The following IGF1R variants were observed in gnomAD, a reference collection of about 807,000 sequenced individuals.
IGF1R encodes insulin like growth factor 1 receptor.
In IGF1R, 44 loss-of-function variants were observed where a neutral mutation model predicts 144.6. The observed-to-expected ratio is 0.30, with a 90% CI of 0.24 to 0.39. The LOEUF (loss-of-function observed/expected upper bound fraction) is 0.39. Among genes scored for constraint, IGF1R ranks in the 10% least tolerant of loss-of-function variants. The pLI, the probability that IGF1R is intolerant of heterozygous loss-of-function variation, is 1.00. For synonymous variants in IGF1R, 795 were observed against 722.8 expected (o/e 1.10, Z -1.60); for missense variants, 1,355 against 1,833.7 (o/e 0.74, Z 4.77).
At chr15:98,882,764 A>G (rs895387225) in intron 2 of IGF1R, among the ~76,000 whole-genome samples, 1 of 152,228 alleles carries the variant, frequency 6.6e-6, no homozygotes, top group African/African-American at 2.4e-5. Context: ...GCTTCCTGTT[A>G]GGAAGACAGC....
intron 2 of IGF1R, among the ~76,000 whole-genome samples, chr15:98,771,459 A>T (rs1320575403): frequency 6.6e-6 from 1 of 152,148 alleles, no homozygotes; most frequent in Non-Finnish European, 1.5e-5. Context: ...GTGCTTACAC[A>T]TGTGGACGTA....
intron 1 of IGF1R, among the ~76,000 whole-genome samples, chr15:98,683,108 G>A (rs776035481): frequency 6.6e-6 from 1 of 151,586 alleles, no homozygotes; most frequent in Non-Finnish European, 1.5e-5. Context: ...TTCTTTAAGG[G>A]CAGGCAACAT....
In IGF1R at chr15:98,957,711, A is replaced by C; in HGVS notation, c.*269A>C. On this transcript the variant is annotated 3_prime_UTR_variant, in exon 21 of 21. Coordinates refer to ENST00000650285, the MANE Select transcript of IGF1R (RefSeq NM_000875.5). Reference sequence around the variant, plus strand: ...AACCTTAATGACAACACTTAATAGCAACAGAGCACTTGAGAACCAGTCTCC... The same window carrying C: ...AACCTTAATGACAACACTTAATAGCCACAGAGCACTTGAGAACCAGTCTCC... 1 of 544,266 alleles carries C rather than the reference A, an allele frequency of 1.8e-6. No individual in the cohort carries two copies. Among genetic ancestry groups the C allele is most frequent in the East Asian group, 3.1e-5 (1 of 32,390 alleles). 33.7% of individuals were successfully genotyped at this position (544,266 alleles called of 1,614,324 possible).
At chr15:98,807,453 C>T (rs558283547) in intron 2 of IGF1R, among the ~76,000 whole-genome samples, 8 of 152,178 alleles carry the variant, frequency 5.3e-5, no homozygotes, top group Non-Finnish European at 7.3e-5. Flanking sequence ...ATATCTGAGA[C>T]GTTTTGGTTT....
rs1031313341 is a variant in IGF1R at position 98,935,138 on chromosome 15, A to C, written c.3186+85A>C. 61 of 1,214,728 alleles carry C rather than the reference A, an allele frequency of 5.0e-5. No individual in the cohort carries two copies. The Middle Eastern group carries it at 2.0e-3, about 39-fold the overall frequency. 75.2% of individuals were successfully genotyped at this position (1,214,728 alleles called of 1,614,324 possible). Reference sequence around the variant, plus strand: ...TCCCAGTATGTTCTTGGCTGCATGTACCCGTGGGTTTGGTGTCTTGCCTTT... The same window carrying C: ...TCCCAGTATGTTCTTGGCTGCATGTCCCCGTGGGTTTGGTGTCTTGCCTTT... On this transcript the variant is annotated intron_variant, in intron 16 of 20. Transcript: ENST00000650285. This position sits in a 1 kb window ranked among gnomAD's most constrained non-coding sequence, Gnocchi z 4.2.
intron 2 of IGF1R, among the ~76,000 whole-genome samples, chr15:98,750,047 G>A (rs1233931158): frequency 6.6e-6 from 1 of 152,132 alleles, no homozygotes; most frequent in Non-Finnish European, 1.5e-5. Flanking sequence ...AGCTGTGAGA[G>A]GGAATTGCAT....
At position 98,780,575 on chromosome 15, in the gene IGF1R, AGAGAG is replaced by A. The variant is rs377573091; in HGVS notation, c.640+72469_640+72473del. ...AAAAAAAAAAAAAAAAAAAAAAAAA[AGAGAG>A]AGAGAGTAAATAAAATTGTAAGGTG... is the stretch of plus-strand genomic sequence containing the variant. On this transcript the variant is annotated intron_variant, in intron 2 of 20. Transcript: ENST00000650285. Among the ~76,000 whole-genome samples the A allele has an allele frequency of 0.035, 343 of 9,882 alleles. 65 individuals carry two copies. The South Asian group carries it at 0.41, about 12-fold the overall frequency. The allele number at this position is 9,882 out of a possible 152,430, so 6.5% of individuals were successfully genotyped here. A position where few individuals can be genotyped will look rare whatever the true frequency, so the allele number is the denominator to read the frequency against.
intron 2 of IGF1R, among the ~76,000 whole-genome samples, chr15:98,711,789 A>G (rs2141265713): frequency 6.6e-6 from 1 of 152,244 alleles, no homozygotes; most frequent in Non-Finnish European, 1.5e-5. Flanking sequence ...AGGCTGCTGT[A>G]ACAAAATCCC....
chr15:98,740,783 AAC>A (rs2054720422), intron 2 of IGF1R, among the ~76,000 whole-genome samples: 1 of 152,210 alleles, frequency 6.6e-6, no homozygotes, highest in African/African-American at 2.4e-5. Context: ...ACACAGTTTA[AAC>A]AAGGTGGCTG....
chr15:98,707,525 T>C lies in IGF1R; in HGVS notation c.95-37T>C. The C allele has an allele frequency of 6.3e-7, 1 of 1,599,790 alleles. No individual in the cohort carries two copies. The highest frequency in any genetic ancestry group is 8.6e-7 in the Non-Finnish European group (1 of 1,167,888). On this transcript the variant is annotated intron_variant, in intron 1 of 20. Coordinates refer to ENST00000650285, the MANE Select transcript of IGF1R (RefSeq NM_000875.5). This position sits in a 1 kb window ranked among gnomAD's most constrained non-coding sequence, Gnocchi z 6.7. ...GGAAAATAGTTTAAAAATTATTTCCTTCTAACTGAGACGTTTACCCTCTTG... is the reference window on the plus strand; with the variant it reads ...GGAAAATAGTTTAAAAATTATTTCCCTCTAACTGAGACGTTTACCCTCTTG...
In IGF1R at chr15:98,714,848, CTGAGA is replaced by C. The variant is rs563868003; in HGVS notation, c.640+6744_640+6748del. Among the ~76,000 whole-genome samples, 853 of 152,146 alleles carry C rather than the reference CTGAGA, an allele frequency of 5.6e-3. 3 individuals are homozygous for C. The highest frequency in any genetic ancestry group is 0.01 in the Non-Finnish European group (681 of 68,018). On this transcript the variant is annotated intron_variant, in intron 2 of 20. Transcript: ENST00000650285. Reference sequence around the variant, plus strand: ...TTAAACTTAAGCTACTTGTGAAGAGCTGAGATGTTTCTGTTAAGCACTGTGTGGTC... The same window carrying C: ...TTAAACTTAAGCTACTTGTGAAGAGCTGTTTCTGTTAAGCACTGTGTGGTC...
chr15:98,665,778 A>G (rs1478620794), intron 1 of IGF1R, among the ~76,000 whole-genome samples: 2 of 152,236 alleles, frequency 1.3e-5, no homozygotes, highest in Non-Finnish European at 2.9e-5. Flanking sequence ...TCAGGTGGGA[A>G]GCCAGCTGCA....
rs765782064 is a variant in IGF1R at position 98,891,354 on chromosome 15, T to G, written c.670T>G (p.Cys224Gly). 6.2e-7 allele frequency: 1 copy of G among 1,607,460 alleles called. No homozygotes were observed. The highest frequency in any genetic ancestry group is 8.5e-7 in the Non-Finnish European group (1 of 1,179,824). ...MCPSTCGKRACTENNECCHPE... is the reference protein window; with the variant it reads ...MCPSTCGKRAGTENNECCHPE... ...CCCAAGCACGTGTGGGAAGCGGGCG[T>G]GCACCGAGAACAATGAGTGCTGCCA... is the stretch of plus-strand genomic sequence containing the variant. The change falls in exon 3 of 21, where the codon TGC (cysteine) becomes GGC (glycine). Residue 224 changes from cysteine to glycine, a missense_variant. Coordinates refer to ENST00000650285, the MANE Select transcript of IGF1R (RefSeq NM_000875.5). The surrounding 1 kb of genome is among the most constrained non-coding windows in gnomAD (Gnocchi z 4.7).
Position 98,960,776 on chromosome 15 carries a change from CAG to C in IGF1R, c.*3337_*3338del, listed in dbSNP as rs1259032558. 1.3e-5 allele frequency: 3 copies of C among 233,658 alleles called. No individual in the cohort carries two copies. Among genetic ancestry groups the C allele is most frequent in the Non-Finnish European group, 2.5e-5 (3 of 118,260 alleles). 14.5% of individuals were successfully genotyped at this position (233,658 alleles called of 1,614,324 possible). A position where few individuals can be genotyped will look rare whatever the true frequency, so the allele number is the denominator to read the frequency against. ...GTCCCTGATAGAACACACGCAGGAG[CAG>C]AGTCCCCTCCCCCTCCAGGCTGCCC... On this transcript the variant is annotated 3_prime_UTR_variant, in exon 21 of 21. Transcript: ENST00000650285.
At chr15:98,944,855 A>G (rs1205538546) in intron 19 of IGF1R, among the ~76,000 whole-genome samples, 1 of 152,184 alleles carries the variant, frequency 6.6e-6, no homozygotes, top group Non-Finnish European at 1.5e-5. Flanking sequence ...GCTCTTAGCA[A>G]ATCTTTCGTG....
intron 2 of IGF1R, among the ~76,000 whole-genome samples, chr15:98,756,477 TATC>T (rs148825694): frequency 0.054 from 8,294 of 152,210 alleles, 275 homozygotes; most frequent in East Asian, 0.13. Flanking sequence ...GTAATATTGT[TATC>T]ATTTCTCTGG....
chr15:98,656,084 C>T (rs529993336), intron 1 of IGF1R, among the ~76,000 whole-genome samples: 12 of 152,330 alleles, frequency 7.9e-5, no homozygotes, highest in Admixed American at 3.3e-4. Context: ...TGAACACCTA[C>T]GATTGCAATA....
chr15:98,707,200 C>T lies in IGF1R; in HGVS notation c.95-362C>T, dbSNP rs1316516516. ...GGCAACTGACGCTCTGCAGAACGGA[C>T]CAGGAGTGTGCGGTGGTGGAGTCCG... On this transcript the variant is annotated intron_variant, in intron 1 of 20. Transcript: ENST00000650285. The surrounding 1 kb of genome is among the most constrained non-coding windows in gnomAD (Gnocchi z 6.7). 6.6e-6 allele frequency among the ~76,000 whole-genome samples: 1 copy of T among 152,150 alleles called. No homozygotes were observed. Among genetic ancestry groups the T allele is most frequent in the Non-Finnish European group, 1.5e-5 (1 of 68,030 alleles).
At chr15:98,808,067 A>G (rs2056505627) in intron 2 of IGF1R, among the ~76,000 whole-genome samples, 1 of 152,174 alleles carries the variant, frequency 6.6e-6, no homozygotes, top group Non-Finnish European at 1.5e-5. Context: ...TACCACATCC[A>G]TGTTGTTTGG....
Sources: gnomAD v4.1 joint callset for allele counts (sites outside exome capture counted in the v4.1 genomes callset) on GRCh38, gnomAD v4.1.1 for gene constraint, Gnocchi (gnomAD v3.1) non-coding constraint, MANE v1.5 for transcripts, NCBI Gene and HGNC (gene_info 2026-07-23, HGNC 2026-07-21) for gene names.